Variants in CTNNA3 observed in about 807,000 individuals in gnomAD.
The protein encoded by CTNNA3 is catenin alpha-3.
A neutral mutation model predicts 95.7 loss-of-function variants in CTNNA3; 76 were observed. That is an observed-to-expected ratio of 0.79 (90% CI 0.66 to 0.96). CTNNA3 has a LOEUF of 0.96. Among genes scored for constraint, CTNNA3 ranks in the 40% least tolerant of loss-of-function variants. CTNNA3 has a pLI of 0.00. For missense variants in CTNNA3, 1,191 were observed against 1,089.8 expected (o/e 1.09, Z -1.31); for synonymous variants, 431 against 374.4 (o/e 1.15, Z -1.74).
At chr10:66,408,003 C>A (rs2093071634) in intron 11 of CTNNA3, among the ~76,000 whole-genome samples, 1 of 152,190 alleles carries the variant, frequency 6.6e-6, no homozygotes. Context: ...TCAAAATCCA[C>A]AGATGCTGAA....
intron 7 of CTNNA3, among the ~76,000 whole-genome samples, chr10:66,905,523 T>TA (rs1163179820): frequency 6.6e-6 from 1 of 152,000 alleles, no homozygotes; most frequent in East Asian, 1.9e-4. Context: ...GCATAATTTT[T>TA]AAAAAATTGA....
At chr10:66,182,190 C>G (rs1423661643) in intron 13 of CTNNA3, among the ~76,000 whole-genome samples, 1 of 151,622 alleles carries the variant, frequency 6.6e-6, no homozygotes, top group Non-Finnish European at 1.5e-5. Flanking sequence ...GTATGGGAGC[C>G]TCAAAGTCAT....
chr10:66,994,317 T>G (rs1851208264), intron 7 of CTNNA3, among the ~76,000 whole-genome samples: 1 of 152,218 alleles, frequency 6.6e-6, no homozygotes. Flanking sequence ...TGCCTGGCCT[T>G]TGCTAATCAC....
intron 7 of CTNNA3, among the ~76,000 whole-genome samples, chr10:67,079,359 C>T (rs999462661): frequency 6.6e-6 from 1 of 152,152 alleles, no homozygotes; most frequent in Non-Finnish European, 1.5e-5. Flanking sequence ...GCAGAAGGAA[C>T]ACAGCGATAG....
intron 13 of CTNNA3, among the ~76,000 whole-genome samples, chr10:66,222,025 G>A (rs1237993297): frequency 1.3e-5 from 2 of 152,056 alleles, no homozygotes; most frequent in African/African-American, 4.8e-5. Context: ...GCCAATCAAT[G>A]GGTCATTGGA....
chr10:66,913,215 G>A (rs1285634640), intron 7 of CTNNA3, among the ~76,000 whole-genome samples: 4 of 120,642 alleles, frequency 3.3e-5, no homozygotes, highest in Non-Finnish European at 6.4e-5. Context: ...GTCCGGCCTG[G>A]GCGAAAGAGC....
intron 5 of CTNNA3, among the ~76,000 whole-genome samples, chr10:67,459,738 C>A (rs911326152): frequency 6.6e-6 from 1 of 152,082 alleles, no homozygotes; most frequent in Non-Finnish European, 1.5e-5. Context: ...TTGACATATG[C>A]CTTAAAATTA....
chr10:65,920,455 T>G lies in CTNNA3; in HGVS notation c.2563A>C (p.Lys855Gln). The G allele has an allele frequency of 6.2e-7, 1 of 1,614,164 alleles. No individual in the cohort carries two copies. Among genetic ancestry groups the G allele is most frequent in the Non-Finnish European group, 8.5e-7 (1 of 1,180,010 alleles). Reference sequence around the variant, plus strand: ...TTCTCTCTTTTAATCAAGGGTTTTTTTGCAGGAGCCTTCATTCTCCACATC... The same window carrying G: ...TTCTCTCTTTTAATCAAGGGTTTTTGTGCAGGAGCCTTCATTCTCCACATC... ...VVMWRMKAPA[K>Q]KPLIKREKPE... is the part of the protein sequence containing the mutation. The change falls in exon 18 of 18, where the codon AAA becomes CAA. Residue 855 changes from lysine (K) to glutamine (Q), a missense_variant. By Grantham distance (53) the Lys-to-Gln change is moderately conservative. Coordinates refer to ENST00000433211, the MANE Select transcript of CTNNA3 (RefSeq NM_013266.4).
At chr10:67,142,175 G>A (rs1166057753) in intron 7 of CTNNA3, among the ~76,000 whole-genome samples, 2 of 150,876 alleles carry the variant, frequency 1.3e-5, no homozygotes, top group Admixed American at 6.6e-5. Flanking sequence ...CAGGTGAGAG[G>A]AAAAAAAAGA....
intron 10 of CTNNA3, among the ~76,000 whole-genome samples, chr10:66,548,364 A>T (rs190478321): frequency 6.6e-6 from 1 of 152,318 alleles, no homozygotes; most frequent in East Asian, 1.9e-4. Flanking sequence ...ATTAAGTATT[A>T]TAATTTGTCT....
chr10:66,075,567 A>G (rs546217676), intron 14 of CTNNA3, among the ~76,000 whole-genome samples: 6 of 151,986 alleles, frequency 3.9e-5, no homozygotes, highest in Admixed American at 2.6e-4. Context: ...AAGGATAACT[A>G]AAATATTCAT....
chr10:66,730,402 A>G (rs907979566), intron 9 of CTNNA3, among the ~76,000 whole-genome samples: 3 of 152,192 alleles, frequency 2.0e-5, no homozygotes, highest in Admixed American at 6.5e-5. Context: ...CTGAATGATG[A>G]GAACACATGG....
chr10:66,502,125 T>C (rs1389255930), intron 11 of CTNNA3, among the ~76,000 whole-genome samples: 1 of 152,188 alleles, frequency 6.6e-6, no homozygotes, highest in Admixed American at 6.6e-5. Flanking sequence ...AGTATTATTC[T>C]ATTAGAGTCT....
chr10:67,019,639 TGA>T (rs1244214614), intron 7 of CTNNA3, among the ~76,000 whole-genome samples: 2 of 152,238 alleles, frequency 1.3e-5, no homozygotes, highest in Admixed American at 6.5e-5. Flanking sequence ...TTACACAGTG[TGA>T]GTCATTGATA....
At chr10:66,670,857 T>C (rs755927295) in intron 9 of CTNNA3, among the ~76,000 whole-genome samples, 20 of 152,212 alleles carry the variant, frequency 1.3e-4, no homozygotes, top group Non-Finnish European at 2.6e-4. Flanking sequence ...GGCAGTTTGA[T>C]TTATATTTCT....
chr10:66,969,150 T>A (rs1471737218), intron 7 of CTNNA3, among the ~76,000 whole-genome samples: 3 of 152,198 alleles, frequency 2.0e-5, no homozygotes, highest in South Asian at 4.1e-4. Context: ...AGAATATTTT[T>A]AAAAATCAAA....
chr10:66,655,569 A>G (rs1190963189), intron 9 of CTNNA3, among the ~76,000 whole-genome samples: 1 of 152,058 alleles, frequency 6.6e-6, no homozygotes, highest in Non-Finnish European at 1.5e-5. Context: ...AGAAAGGAAG[A>G]AAACATGGAA....
intron 7 of CTNNA3, among the ~76,000 whole-genome samples, chr10:66,844,540 C>G (rs1843181808): frequency 1.3e-5 from 2 of 152,072 alleles, no homozygotes; most frequent in Admixed American, 1.3e-4. Flanking sequence ...TTGTTTAAAT[C>G]TTGGGAATTT....
chr10:67,245,512 C>A (rs567100074), intron 5 of CTNNA3, among the ~76,000 whole-genome samples: 1 of 152,218 alleles, frequency 6.6e-6, no homozygotes, highest in South Asian at 2.1e-4. Context: ...ATTAATTTGA[C>A]ATATTTTACT....
Sources: gnomAD v4.1 joint callset for allele counts (sites outside exome capture counted in the v4.1 genomes callset) on GRCh38, gnomAD v4.1.1 for gene constraint, MANE v1.5 for transcripts, NCBI Gene and HGNC (gene_info 2026-07-23, HGNC 2026-07-21) for gene names.